PIK3R4: variants seen among roughly 807,000 people sequenced by gnomAD.
PIK3R4 encodes the protein phosphoinositide 3-kinase regulatory subunit 4.
A neutral mutation model predicts 136.5 loss-of-function variants in PIK3R4; 46 were observed. That is an observed-to-expected ratio of 0.34 (90% CI 0.27 to 0.43). The LOEUF (loss-of-function observed/expected upper bound fraction) is 0.43, where lower values mean the gene tolerates loss of function less well. Ranked by LOEUF, PIK3R4 falls within the 20% of genes least tolerant of loss-of-function variation. The pLI is 1.00. For missense variants in PIK3R4, 1,331 were observed against 1,649.5 expected, an observed-to-expected ratio of 0.81 and a Z score of 3.35; for synonymous variants, 557 against 566.7, an observed-to-expected ratio of 0.98 and a Z score of 0.24.
intron 6 of PIK3R4, 128 bp from the exon 7 acceptor site, chr3:130,723,715 C>G (rs2066716472): frequency 2.9e-6 from 2 of 690,870 alleles, no homozygotes; most frequent in Admixed American, 3.5e-5. Flanking sequence ...CATTGCACTT[C>G]CTACCCAGCA....
intron 15 of PIK3R4, among the ~76,000 whole-genome samples, 186 bp downstream of exon 15, chr3:130,686,025 C>G (rs1412617376): frequency 6.6e-6 from 1 of 151,644 alleles, no homozygotes; most frequent in Admixed American, 6.6e-5. Context: ...ACTGATTCCA[C>G]CCTTTCAAAC....
intron 8 of PIK3R4, 77 bp from the exon 9 acceptor site, chr3:130,716,676 G>A: frequency 2.3e-6 from 2 of 856,134 alleles, no homozygotes; most frequent in South Asian, 1.8e-5. Flanking sequence ...AATACAACTT[G>A]AGAAAAGTTA....
At chr3:130,719,643 G>C (rs866682449) in intron 7 of PIK3R4, among the ~76,000 whole-genome samples, 1 of 152,102 alleles carries the variant, frequency 6.6e-6, no homozygotes, top group African/African-American at 2.4e-5. Flanking sequence ...TAAACCTCCA[G>C]AAAGTAGCTA....
chr3:130,714,723 T>G (rs1468401205), intron 9 of PIK3R4, among the ~76,000 whole-genome samples: 1 of 152,012 alleles, frequency 6.6e-6, no homozygotes, highest in Non-Finnish European at 1.5e-5. Context: ...TGTTCCTGTG[T>G]TTGCTGAGGA....
At chr3:130,730,063 A>T (rs1442387473) in intron 5 of PIK3R4, among the ~76,000 whole-genome samples, 1 of 152,182 alleles carries the variant, frequency 6.6e-6, no homozygotes, top group Non-Finnish European at 1.5e-5. Flanking sequence ...TTTACTGTTC[A>T]CACAAATCAA....
intron 6 of PIK3R4, among the ~76,000 whole-genome samples, chr3:130,726,871 GGAA>G (rs1177596787): frequency 3.3e-5 from 5 of 151,966 alleles, no homozygotes; most frequent in South Asian, 2.1e-4. Context: ...AACATTATTT[GGAA>G]GAAGAAGAGA....
chr3:130,745,930 G>A (rs1285463452), intron 1 of PIK3R4, among the ~76,000 whole-genome samples: 1 of 151,900 alleles, frequency 6.6e-6, no homozygotes, highest in Non-Finnish European at 1.5e-5. Context: ...GGCTGACGCA[G>A]AATTGCTTGA....
Position 130,733,521 on chromosome 3 carries a change from G to A in PIK3R4, c.1450+27C>T. 2.8e-6 allele frequency: 4 copies of A among 1,432,252 alleles called. No individual in the cohort carries two copies. The South Asian group carries it at 4.6e-5, about 17-fold the overall frequency. The allele number at this position is 1,432,252 out of a possible 1,614,324, so 88.7% of individuals were successfully genotyped here. On this transcript the variant is annotated intron_variant, in intron 4 of 19. Coordinates refer to ENST00000356763, the MANE Select transcript of PIK3R4 (RefSeq NM_014602.3). Reference sequence around the variant, plus strand: ...CATTAACTTAAAAAATATCTAAGTGGCTAATATTTGGACAATAAACTCTTA... The same window carrying A: ...CATTAACTTAAAAAATATCTAAGTGACTAATATTTGGACAATAAACTCTTA...
chr3:130,689,186 G>A (rs2066503293), intron 14 of PIK3R4, among the ~76,000 whole-genome samples: 1 of 152,206 alleles, frequency 6.6e-6, no homozygotes, highest in Non-Finnish European at 1.5e-5. Context: ...CATCCTGCCT[G>A]TCTCCTTACC....
Position 130,744,785 on chromosome 3 carries a change from C to T in PIK3R4, c.434G>A (p.Arg145His), listed in dbSNP as rs1477121242. 1.2e-6 allele frequency: 2 copies of T among 1,614,098 alleles called. No homozygotes were observed. Among genetic ancestry groups the T allele is most frequent in the Admixed American group, 1.7e-5 (1 of 60,008 alleles). Residue 145 changes from arginine (R) to histidine (H), a missense_variant, in exon 2 of 20, where the codon CGT becomes CAT. Arg to His is a conservative substitution (Grantham distance 29, BLOSUM62 0). Transcript: ENST00000356763. ...AVDQAHKSGVRHGDIKTENVM... is the reference protein window; with the variant it reads ...AVDQAHKSGVHHGDIKTENVM... ...ATTCTCAGTCTTGATGTCCCCATGA[C>T]GAACTCCAGATTTGTGTGCTTGGTC...
chr3:130,741,906 G>T (rs1299865061), intron 2 of PIK3R4, among the ~76,000 whole-genome samples: 1 of 152,166 alleles, frequency 6.6e-6, no homozygotes, highest in Non-Finnish European at 1.5e-5. Flanking sequence ...AATATATATG[G>T]TAAGTCCTCA....
At chr3:130,741,948 T>C (rs2107623233) in intron 2 of PIK3R4, among the ~76,000 whole-genome samples, 1 of 152,354 alleles carries the variant, frequency 6.6e-6, no homozygotes. Flanking sequence ...AAACTGCAAC[T>C]TTAAGTACAA....
intron 3 of PIK3R4, 91 bp downstream of exon 3, chr3:130,735,778 A>C (rs1010779970): frequency 8.2e-7 from 1 of 1,216,728 alleles, no homozygotes; most frequent in Admixed American, 2.3e-5. Flanking sequence ...GCTTGATTCC[A>C]AATTTACAAC....
At chr3:130,684,749 A>G (rs1053796519) in intron 15 of PIK3R4, among the ~76,000 whole-genome samples, 5 of 152,242 alleles carry the variant, frequency 3.3e-5, no homozygotes, top group Admixed American at 2.6e-4. Context: ...TTAAATACCC[A>G]AAGATGTTTT....
intron 18 of PIK3R4, 91 bp downstream of exon 18, chr3:130,680,886 A>G (rs2066454049): frequency 2.6e-6 from 2 of 783,340 alleles, no homozygotes; most frequent in East Asian, 5.1e-5. Context: ...AGCTGTCCTT[A>G]TAAGATGATT....
chr3:130,713,777 A>T (rs1477074667), intron 9 of PIK3R4, among the ~76,000 whole-genome samples: 2 of 152,062 alleles, frequency 1.3e-5, no homozygotes, highest in African/African-American at 2.4e-5. Context: ...GGTTCAAGCG[A>T]TTTCCCTGCC....
Position 130,727,369 on chromosome 3 carries a change from A to G in PIK3R4, c.1807+1094T>C, listed in dbSNP as rs1021604467. On this transcript the variant is annotated intron_variant, in intron 6 of 19. Coordinates refer to ENST00000356763, the MANE Select transcript of PIK3R4 (RefSeq NM_014602.3). ...CCTCCCGCCGCCTCCGAGTACAGGCACCCGCCACCGCGCCCGGCTGATTTT... is the reference window on the plus strand; with the variant it reads ...CCTCCCGCCGCCTCCGAGTACAGGCGCCCGCCACCGCGCCCGGCTGATTTT... Among the ~76,000 whole-genome samples, 8 of 152,048 alleles carry G rather than the reference A, an allele frequency of 5.3e-5. No individual in the cohort carries two copies. The East Asian group carries it at 9.7e-4, about 18-fold the overall frequency.
At chr3:130,683,222 CA>C (rs202131729) in intron 16 of PIK3R4, among the ~76,000 whole-genome samples, 1,523 of 152,226 alleles carry the variant, frequency 0.01, 36 homozygotes, top group African/African-American at 0.034. Flanking sequence ...GGAAATCAAG[CA>C]TTCATTTTAG....
chr3:130,699,025 C>G (rs1247357113), intron 13 of PIK3R4, among the ~76,000 whole-genome samples: 1 of 152,214 alleles, frequency 6.6e-6, no homozygotes, highest in Non-Finnish European at 1.5e-5. Context: ...CTTGCTTGCA[C>G]AGAGTCTCAA....
Sources: gnomAD v4.1 joint callset for allele counts (sites outside exome capture counted in the v4.1 genomes callset) on GRCh38, gnomAD v4.1.1 for gene constraint, MANE v1.5 for transcripts, NCBI Gene and HGNC (gene_info 2026-07-23, HGNC 2026-07-21) for gene names.